STMN2: variants seen among roughly 807,000 people sequenced by gnomAD.
STMN2 encodes the protein stathmin 2.
A neutral mutation model predicts 24.1 loss-of-function variants in STMN2; 2 were observed. The ratio of observed to expected loss-of-function variants is 0.08; its 90% CI spans 0.03 to 0.26. The LOEUF (loss-of-function observed/expected upper bound fraction) is 0.26, where lower values mean the gene tolerates loss of function less well. Among genes scored for constraint, STMN2 ranks in the 10% least tolerant of loss-of-function variants. STMN2 has a pLI of 1.00. For synonymous variants in STMN2, 83 were observed against 77.5 expected (o/e 1.07, Z -0.37); for missense variants, 114 against 213.6 (o/e 0.53, Z 2.91).
At chr8:79,664,749 G>GTTACTTCTTCTAGT (rs1806566324) in intron 4 of STMN2, 66 bp from the exon 5 acceptor site, 1 of 1,523,742 alleles carries the variant, frequency 6.6e-7, no homozygotes, top group African/African-American at 1.4e-5. Flanking sequence ...CTAGTCAAGC[G>GTTACTTCTTCTAGT]CATGGTACGC....
intron 1 of STMN2, among the ~76,000 whole-genome samples, chr8:79,619,014 C>A (rs1585873557): frequency 1.3e-5 from 2 of 151,494 alleles, no homozygotes; most frequent in Non-Finnish European, 2.9e-5. Context: ...TCTCATAGAG[C>A]ACATTTAAAA....
At chr8:79,646,245 G>A (rs969484015) in intron 3 of STMN2, among the ~76,000 whole-genome samples, 4 of 151,978 alleles carry the variant, frequency 2.6e-5, no homozygotes, top group Non-Finnish European at 5.9e-5. Context: ...TATTTATCAA[G>A]CACTTACTAT....
At chr8:79,652,355 A>G (rs1316358302) in intron 3 of STMN2, among the ~76,000 whole-genome samples, 1 of 152,170 alleles carries the variant, frequency 6.6e-6, no homozygotes, top group Non-Finnish European at 1.5e-5. Context: ...TCTAAAATGA[A>G]GGTGCAAAGC....
chr8:79,611,320 G>A (rs2130282164), intron 1 of STMN2, 106 bp downstream of exon 1: 1 of 1,471,016 alleles, frequency 6.8e-7, no homozygotes, highest in Non-Finnish European at 9.3e-7. Context: ...AGAAAAAGAT[G>A]TTAATGGTAA....
intron 3 of STMN2, among the ~76,000 whole-genome samples, chr8:79,643,197 T>TA (rs202015104): frequency 0.1 from 15,094 of 146,874 alleles, 1,104 homozygotes; most frequent in Middle Eastern, 0.16. Flanking sequence ...GTTCTAGATT[T>TA]AAAAAACAGG....
At chr8:79,624,468 A>G (rs1188447941) in intron 1 of STMN2, among the ~76,000 whole-genome samples, 1 of 150,306 alleles carries the variant, frequency 6.7e-6, no homozygotes, top group South Asian at 2.1e-4. Context: ...AAAAAAAAAA[A>G]AAAAAAAAAA....
chr8:79,641,628 G>GCGCA (rs767739163), intron 3 of STMN2, 78 bp downstream of exon 3: 549 of 431,718 alleles, frequency 1.3e-3, no homozygotes, highest in Non-Finnish European at 1.6e-3. Flanking sequence ...ACACATGCAC[G>GCGCA]CACACACACA....
At chr8:79,615,713 T>C (rs1477633843) in intron 1 of STMN2, among the ~76,000 whole-genome samples, 3 of 152,212 alleles carry the variant, frequency 2.0e-5, no homozygotes, top group Non-Finnish European at 4.4e-5. Flanking sequence ...AACATTCAAG[T>C]GTTTATTCAA....
At chr8:79,641,751 G>T (rs899982285) in intron 3 of STMN2, among the ~76,000 whole-genome samples, 13 of 151,978 alleles carry the variant, frequency 8.6e-5, no homozygotes, top group African/African-American at 3.1e-4. Context: ...AGGCTAGTTG[G>T]GGTAAAAACT....
At position 79,618,748 on chromosome 8, in the gene STMN2, G is replaced by A. The variant is rs573297453; in HGVS notation, c.19+7534G>A. On this transcript the variant is annotated intron_variant, in intron 1 of 4. Coordinates refer to ENST00000220876, the MANE Select transcript of STMN2 (RefSeq NM_007029.4). ...TTAAAGATAACATTTGTGTACATTT[G>A]TTCTCACAAAACACTTTTATATGAG... Among the ~76,000 whole-genome samples, 50 of 152,186 alleles carry A rather than the reference G, an allele frequency of 3.3e-4. No individual in the cohort carries two copies. In the South Asian group the frequency reaches 7.5e-3, roughly 23 times the overall value.
intron 1 of STMN2, chr8:79,613,470 G>T: frequency 4.1e-6 from 4 of 985,474 alleles, no homozygotes; most frequent in Non-Finnish European, 4.8e-6. Context: ...TCCACAATTC[G>T]CAGTTCACTC....
At chr8:79,646,794 G>C (rs1810227219) in intron 3 of STMN2, among the ~76,000 whole-genome samples, 1 of 152,090 alleles carries the variant, frequency 6.6e-6, no homozygotes, top group Non-Finnish European at 1.5e-5. Flanking sequence ...TTTTAAAGGG[G>C]GAGATGACTA....
At chr8:79,631,466 T>A in intron 1 of STMN2, 1 of 983,792 alleles carries the variant, frequency 1.0e-6, no homozygotes, top group East Asian at 1.1e-4. Flanking sequence ...CTAAAGCAAT[T>A]AGCATTACAT....
intron 1 of STMN2, among the ~76,000 whole-genome samples, chr8:79,625,936 G>A (rs1271370237): frequency 6.6e-6 from 1 of 152,072 alleles, no homozygotes; most frequent in Non-Finnish European, 1.5e-5. Context: ...TCCAGCCTGG[G>A]CAACAAGAGC....
chr8:79,662,548 C>A (rs1215696886), intron 4 of STMN2, among the ~76,000 whole-genome samples: 1 of 151,956 alleles, frequency 6.6e-6, no homozygotes, highest in East Asian at 1.9e-4. Context: ...AGTAAATATT[C>A]GATAATGTGA....
chr8:79,631,230 C>T (rs1050093336), intron 1 of STMN2, among the ~76,000 whole-genome samples: 6 of 152,180 alleles, frequency 3.9e-5, no homozygotes, highest in Admixed American at 3.9e-4. Context: ...ATCACTGGTG[C>T]TAAGAATACA....
chr8:79,626,917 AAAAG>A (rs375997376), intron 1 of STMN2, among the ~76,000 whole-genome samples: 12 of 152,292 alleles, frequency 7.9e-5, no homozygotes, highest in East Asian at 3.9e-4. Context: ...GAAAAACACA[AAAAG>A]AAAGAAAGAA....
chr8:79,628,168 A>AT (rs1303207810), intron 1 of STMN2, among the ~76,000 whole-genome samples: 1 of 150,098 alleles, frequency 6.7e-6, no homozygotes, highest in South Asian at 2.1e-4. Context: ...TTTATTTTTT[A>AT]TTTTTTTTAT....
intron 2 of STMN2, among the ~76,000 whole-genome samples, 192 bp from the exon 3 acceptor site, chr8:79,641,186 T>C (rs1243860876): frequency 2.0e-5 from 3 of 152,224 alleles, no homozygotes. Flanking sequence ...TGTTAAAATA[T>C]ATCCATAGTT....
Sources: allele counts gnomAD v4.1 joint callset (sites outside exome capture counted in the v4.1 genomes callset), GRCh38; gene constraint gnomAD v4.1.1; transcripts MANE v1.5; gene names NCBI Gene and HGNC (gene_info 2026-07-23, HGNC 2026-07-21).